Variants in KCNC1 observed in about 807,000 individuals in gnomAD.
The protein encoded by KCNC1 is voltage-gated potassium channel KCNC1.
KCNC1 carries 8 observed loss-of-function variants against 43.4 expected under a neutral mutation model. The observed-to-expected ratio is 0.18, with a 90% CI of 0.11 to 0.33. KCNC1 has a LOEUF of 0.33. KCNC1 is among the 10% of genes least tolerant of loss of function. The pLI, the probability that KCNC1 is intolerant of heterozygous loss-of-function variation, is 1.00. For synonymous variants in KCNC1, 361 were observed against 360.5 expected (o/e 1.00, Z -0.01); for missense variants, 420 against 836.0 (o/e 0.50, Z 6.14).
chr11:17,757,298 G>A (rs958634304), intron 1 of KCNC1, among the ~76,000 whole-genome samples: 1 of 152,194 alleles, frequency 6.6e-6, no homozygotes, highest in Non-Finnish European at 1.5e-5. Flanking sequence ...AAGGAAGCCC[G>A]AGGAAGCCTG....
intron 1 of KCNC1, among the ~76,000 whole-genome samples, chr11:17,770,478 C>T (rs532072198): frequency 3.3e-5 from 5 of 152,290 alleles, no homozygotes; most frequent in Admixed American, 2.6e-4. Context: ...GTTAGAGTCC[C>T]GGCGGGGCTG....
intron 1 of KCNC1, among the ~76,000 whole-genome samples, chr11:17,764,048 T>G (rs111165364): frequency 3.4e-5 from 2 of 58,314 alleles, no homozygotes; most frequent in Non-Finnish European, 3.1e-5. Context: ...CACACACACA[T>G]ACCCCCACAC....
intron 1 of KCNC1, among the ~76,000 whole-genome samples, chr11:17,755,446 C>T (rs1203234911): frequency 6.6e-6 from 1 of 152,152 alleles, no homozygotes; most frequent in African/African-American, 2.4e-5. Context: ...AGTTAAGAGA[C>T]TGGTCTATTA....
intron 1 of KCNC1, among the ~76,000 whole-genome samples, chr11:17,769,997 C>T (rs1849204978): frequency 6.6e-6 from 1 of 152,252 alleles, no homozygotes; most frequent in Non-Finnish European, 1.5e-5. Flanking sequence ...CCCTTTGCTC[C>T]CAGCTTCCCT....
intron 1 of KCNC1, among the ~76,000 whole-genome samples, chr11:17,743,764 C>G (rs982743517): frequency 6.6e-6 from 1 of 152,222 alleles, no homozygotes; most frequent in Non-Finnish European, 1.5e-5. Context: ...GCCCTTTAAC[C>G]TCTGGGGTTT....
Position 17,777,085 on chromosome 11 carries a change from G to A in KCNC1, c.1505-2371G>A, listed in dbSNP as rs922183149. 1.3e-4 allele frequency: 125 copies of A among 985,026 alleles called. No individual in the cohort carries two copies. The highest frequency in any genetic ancestry group is 1.5e-4 in the Non-Finnish European group (124 of 829,896). 61.0% of individuals were successfully genotyped at this position (985,026 alleles called of 1,614,324 possible). On this transcript the variant is annotated intron_variant, in intron 2 of 3. Coordinates refer to ENST00000265969, the MANE Select transcript of KCNC1 (RefSeq NM_001112741.2). The surrounding 1 kb of genome is among the most constrained non-coding windows in gnomAD (Gnocchi z 4.3). ...CCCTGATGGATGTTCCTTGTCCCCT[G>A]CCCAAAACCATCCCGAACTTTGGGC...
At position 17,779,720 on chromosome 11, in the gene KCNC1, G is replaced by A. The variant is rs1272694510; in HGVS notation, c.1693+76G>A. 1.6e-5 allele frequency: 20 copies of A among 1,235,186 alleles called. No individual in the cohort carries two copies. The highest frequency in any genetic ancestry group is 5.9e-5 in the East Asian group (2 of 33,972). The allele number at this position is 1,235,186 out of a possible 1,614,324, so 76.5% of individuals were successfully genotyped here. On this transcript the variant is annotated intron_variant, in intron 3 of 3. Transcript: ENST00000265969. This position sits in a 1 kb window ranked among gnomAD's most constrained non-coding sequence, Gnocchi z 7.2. ...CCTGCAGATGGGTGGGCAGGGCGGCGGGCAAGGGCGCTGAGGGGCAGGCAG... is the reference window on the plus strand; with the variant it reads ...CCTGCAGATGGGTGGGCAGGGCGGCAGGCAAGGGCGCTGAGGGGCAGGCAG...
At chr11:17,752,521 C>T (rs868796642) in intron 1 of KCNC1, among the ~76,000 whole-genome samples, 3 of 152,264 alleles carry the variant, frequency 2.0e-5, no homozygotes, top group Non-Finnish European at 2.9e-5. Context: ...TCCCCACCCT[C>T]GTGCAAACTC....
chr11:17,777,494 C>T lies in KCNC1; in HGVS notation c.1505-1962C>T. 1.0e-6 allele frequency: 1 copy of T among 986,032 alleles called. No homozygotes were observed. Among genetic ancestry groups the T allele is most frequent in the Non-Finnish European group, 1.2e-6 (1 of 830,038 alleles). 61.1% of individuals were successfully genotyped at this position (986,032 alleles called of 1,614,324 possible). A position where few individuals can be genotyped will look rare whatever the true frequency, so the allele number is the denominator to read the frequency against. The stretch of plus-strand genomic sequence containing the variant: ...CCTCCCCTCTCCCAACACCCTCCTC[C>T]CTCAGCCCGGAGACCCTTGGATGGA... On this transcript the variant is annotated intron_variant, in intron 2 of 3. Transcript: ENST00000265969. The surrounding 1 kb of genome is among the most constrained non-coding windows in gnomAD (Gnocchi z 4.3).
In KCNC1 at chr11:17,777,960, G is replaced by A; in HGVS notation, c.1505-1496G>A. On this transcript the variant is annotated intron_variant, in intron 2 of 3. Transcript: ENST00000265969. The surrounding 1 kb of genome is among the most constrained non-coding windows in gnomAD (Gnocchi z 4.3). ...ACATGATGTGAACAGGATCACGGGAGAGTGTTCAATCGGGTGGACATTGTC... is the reference window on the plus strand; with the variant it reads ...ACATGATGTGAACAGGATCACGGGAAAGTGTTCAATCGGGTGGACATTGTC... 1 of 541,128 alleles carries A rather than the reference G, an allele frequency of 1.8e-6. No individual in the cohort carries two copies. The highest frequency in any genetic ancestry group is 2.4e-6 in the Non-Finnish European group (1 of 424,062). 33.5% of individuals were successfully genotyped at this position (541,128 alleles called of 1,614,324 possible). A position where few individuals can be genotyped will look rare whatever the true frequency, so the allele number is the denominator to read the frequency against.
intron 2 of KCNC1, chr11:17,772,834 G>A (rs1441594137): frequency 1.1e-5 from 15 of 1,401,568 alleles, no homozygotes; most frequent in Non-Finnish European, 1.2e-5. Context: ...TGACGCGGTT[G>A]GTCTCGTGAT....
In KCNC1 at chr11:17,776,646, C is replaced by T. The variant is rs921744015; in HGVS notation, c.1505-2810C>T. 5 of 985,160 alleles carry T rather than the reference C, an allele frequency of 5.1e-6. No homozygotes were observed. The African/African-American group carries it at 7.0e-5, about 14-fold the overall frequency. The allele number at this position is 985,160 out of a possible 1,614,324, so 61.0% of individuals were successfully genotyped here. ...GCAGGCCTGTGGGTCTAGTGGGGGCCTGGGGGCCCTGGGCTGGGGGAGGCA... is the reference window on the plus strand; with the variant it reads ...GCAGGCCTGTGGGTCTAGTGGGGGCTTGGGGGCCCTGGGCTGGGGGAGGCA... On this transcript the variant is annotated intron_variant, in intron 2 of 3. Transcript: ENST00000265969. The surrounding 1 kb of genome is among the most constrained non-coding windows in gnomAD (Gnocchi z 4.4).
At chr11:17,756,788 T>A (rs1361680057) in intron 1 of KCNC1, among the ~76,000 whole-genome samples, 1 of 152,078 alleles carries the variant, frequency 6.6e-6, no homozygotes, top group Non-Finnish European at 1.5e-5. Flanking sequence ...AACATGAAGA[T>A]GTGCTATATA....
At chr11:17,745,167 G>A (rs2133782740) in intron 1 of KCNC1, among the ~76,000 whole-genome samples, 1 of 152,286 alleles carries the variant, frequency 6.6e-6, no homozygotes, top group Admixed American at 6.5e-5. Context: ...TCCAGTCGAG[G>A]GCCAGCCTCA....
At chr11:17,737,611 T>C (rs901569366) in intron 1 of KCNC1, among the ~76,000 whole-genome samples, 1 of 152,096 alleles carries the variant, frequency 6.6e-6, no homozygotes, top group African/African-American at 2.4e-5. Context: ...AAAGAGGAAC[T>C]GGTAGCAGCC....
chr11:17,745,156 C>T (rs1848883266), intron 1 of KCNC1, among the ~76,000 whole-genome samples: 1 of 152,168 alleles, frequency 6.6e-6, no homozygotes, highest in South Asian at 2.1e-4. Flanking sequence ...CAGGCAGCGG[C>T]TCCAGTCGAG....
At chr11:17,769,539 T>C (rs923382876) in intron 1 of KCNC1, among the ~76,000 whole-genome samples, 9 of 151,762 alleles carry the variant, frequency 5.9e-5, no homozygotes, top group African/African-American at 2.2e-4. Flanking sequence ...GATGATGTGC[T>C]GGTGAAAGAA....
At position 17,773,715 on chromosome 11, in the gene KCNC1, G is replaced by A; in HGVS notation, c.1504+1117G>A. On this transcript the variant is annotated intron_variant, in intron 2 of 3. Transcript: ENST00000265969. This position sits in a 1 kb window ranked among gnomAD's most constrained non-coding sequence, Gnocchi z 4.1. ...TGGGGCTCTGGTCCGAAGATATAAAGCCCATAGTCTACCTCTACCCATGGA... is the reference window on the plus strand; with the variant it reads ...TGGGGCTCTGGTCCGAAGATATAAAACCCATAGTCTACCTCTACCCATGGA... 1 of 985,432 alleles carries A rather than the reference G, an allele frequency of 1.0e-6. No individual in the cohort carries two copies. Among genetic ancestry groups the A allele is most frequent in the Non-Finnish European group, 1.2e-6 (1 of 829,944 alleles). 61.0% of individuals were successfully genotyped at this position (985,432 alleles called of 1,614,324 possible). A position where few individuals can be genotyped will look rare whatever the true frequency, so the allele number is the denominator to read the frequency against.
chr11:17,774,417 G>A lies in KCNC1; in HGVS notation c.1504+1819G>A, dbSNP rs1226874500. 1.1e-4 allele frequency: 108 copies of A among 985,456 alleles called. 1 individual carries two copies. The highest frequency in any genetic ancestry group is 1.3e-4 in the Non-Finnish European group (104 of 830,058). The allele number at this position is 985,456 out of a possible 1,614,324, so 61.0% of individuals were successfully genotyped here. On this transcript the variant is annotated intron_variant, in intron 2 of 3. Coordinates refer to ENST00000265969, the MANE Select transcript of KCNC1 (RefSeq NM_001112741.2). ...TTCAGGAGTGTTGCCCCAAGCACAG[G>A]TGCCCTGGGCCAGCCAGTCAAGAAT... is the stretch of plus-strand genomic sequence containing the variant.
Sources: gnomAD v4.1 joint callset for allele counts (sites outside exome capture counted in the v4.1 genomes callset) on GRCh38, gnomAD v4.1.1 for gene constraint, Gnocchi (gnomAD v3.1) non-coding constraint, MANE v1.5 for transcripts, NCBI Gene and HGNC (gene_info 2026-07-23, HGNC 2026-07-21) for gene names.